PLEKHA7: variants seen among roughly 807,000 people sequenced by gnomAD.
PLEKHA7 encodes the protein pleckstrin homology domain containing A7.
PLEKHA7 carries 104 observed loss-of-function variants against 170.0 expected under a neutral mutation model. The ratio of observed to expected loss-of-function variants is 0.61; its 90% CI spans 0.52 to 0.72. The LOEUF is 0.72. PLEKHA7 is among the 30% of genes least tolerant of loss of function. The pLI is 0.00. For missense variants in PLEKHA7, 1,615 were observed against 1,671.7 expected (o/e 0.97, Z 0.59); for synonymous variants, 648 against 660.8 (o/e 0.98, Z 0.30).
chr11:16,783,902 C>A, intron 24 of PLEKHA7, 69 bp from the exon 25 acceptor site: 17 of 1,305,078 alleles, frequency 1.3e-5, no homozygotes, highest in Non-Finnish European at 1.7e-5. Flanking sequence ...GCTTTCCCCA[C>A]CTCTGTCCCC....
intron 3 of PLEKHA7, 119 bp from the exon 4 acceptor site, chr11:16,871,301 T>C: frequency 1.4e-6 from 1 of 726,284 alleles, no homozygotes; most frequent in East Asian, 3.0e-5. Flanking sequence ...GGGGGAGAAA[T>C]GTGGGCCTTT....
chr11:16,949,493 A>G (rs1861269369), intron 3 of PLEKHA7, among the ~76,000 whole-genome samples: 1 of 152,218 alleles, frequency 6.6e-6, no homozygotes, highest in Non-Finnish European at 1.5e-5. Context: ...TGAAATCTGC[A>G]TTTGTAACAA....
chr11:16,855,328 A>G (rs1442139114), intron 5 of PLEKHA7, among the ~76,000 whole-genome samples: 1 of 152,044 alleles, frequency 6.6e-6, no homozygotes, highest in Non-Finnish European at 1.5e-5. Flanking sequence ...CTTTTTGCCA[A>G]TTTCCAGATA....
At chr11:17,000,869 T>C (rs1864623426) in intron 3 of PLEKHA7, among the ~76,000 whole-genome samples, 1 of 152,148 alleles carries the variant, frequency 6.6e-6, no homozygotes, top group South Asian at 2.1e-4. Context: ...CACCACCCTA[T>C]AGACAAAGGA....
chr11:16,779,597 C>T (rs1848871434), intron 26 of PLEKHA7, among the ~76,000 whole-genome samples: 1 of 152,144 alleles, frequency 6.6e-6, no homozygotes, highest in African/African-American at 2.4e-5. Flanking sequence ...TAGAGCACTT[C>T]CCTATGGCTC....
intron 3 of PLEKHA7, among the ~76,000 whole-genome samples, chr11:16,943,643 G>T (rs1481355262): frequency 2.0e-5 from 3 of 151,972 alleles, no homozygotes; most frequent in Non-Finnish European, 4.4e-5. Flanking sequence ...TGGGAAGGAG[G>T]GATTATTACA....
chr11:17,014,300 G>C lies in PLEKHA7; in HGVS notation c.86+16C>G, dbSNP rs1286534970. On this transcript the variant is annotated intron_variant, in intron 1 of 26. Coordinates refer to ENST00000531066, the MANE Select transcript of PLEKHA7 (RefSeq NM_001329630.2). ...CCCCACCCGCGTCCCCGCGTCCCCG[G>C]GTCCTCGCGCCGCACTTGATGAAGA... 4.9e-6 allele frequency: 7 copies of C among 1,436,232 alleles called. No homozygotes were observed. In the African/African-American group the frequency reaches 6.0e-5, roughly 12 times the overall value. The allele number at this position is 1,436,232 out of a possible 1,614,324, so 89.0% of individuals were successfully genotyped here.
intron 3 of PLEKHA7, among the ~76,000 whole-genome samples, chr11:17,004,682 C>T (rs909742043): frequency 6.6e-6 from 1 of 152,094 alleles, no homozygotes; most frequent in Non-Finnish European, 1.5e-5. Flanking sequence ...CATGAGTCAC[C>T]ATGCCCAGCC....
chr11:16,907,465 A>G (rs1857886748), intron 3 of PLEKHA7, among the ~76,000 whole-genome samples: 1 of 106,576 alleles, frequency 9.4e-6, no homozygotes, highest in East Asian at 2.8e-4. Context: ...CCTACTGGGA[A>G]GTAAGGAGCC....
intron 3 of PLEKHA7, among the ~76,000 whole-genome samples, chr11:16,963,225 C>T (rs1862173929): frequency 6.6e-6 from 1 of 152,184 alleles, no homozygotes; most frequent in Non-Finnish European, 1.5e-5. Context: ...GACCTATAAC[C>T]ATATTTGGTA....
At chr11:16,959,118 G>A (rs1429478240) in intron 3 of PLEKHA7, among the ~76,000 whole-genome samples, 1 of 152,188 alleles carries the variant, frequency 6.6e-6, no homozygotes, top group African/African-American at 2.4e-5. Flanking sequence ...GTGGGTACAT[G>A]TGAAGGTGTG....
At chr11:16,895,433 T>C (rs1856938426) in intron 3 of PLEKHA7, among the ~76,000 whole-genome samples, 1 of 152,218 alleles carries the variant, frequency 6.6e-6, no homozygotes, top group Admixed American at 6.5e-5. Context: ...TGGCAACAGC[T>C]GCACATCACT....
rs1307308857 is a variant in PLEKHA7 at position 16,794,717 on chromosome 11, A to G, written c.2519-3T>C. 7 of 1,613,460 alleles carry G rather than the reference A, an allele frequency of 4.3e-6. No individual in the cohort carries two copies. The highest frequency in any genetic ancestry group is 5.9e-6 in the Non-Finnish European group (7 of 1,179,578). On this transcript the variant is annotated splice_polypyrimidine_tract_variant and splice_region_variant and intron_variant, in intron 18 of 26. Transcript: ENST00000531066. ...AAACAAAGGCACCGTTTTTCTCTCTAAGGGGCATAGAAGGAAACAAAGCAC... is the reference window on the plus strand; with the variant it reads ...AAACAAAGGCACCGTTTTTCTCTCTGAGGGGCATAGAAGGAAACAAAGCAC...
chr11:16,805,797 AAAAAAAAAAAC>A (rs1395196135), intron 13 of PLEKHA7, among the ~76,000 whole-genome samples: 60 of 151,156 alleles, frequency 4.0e-4, no homozygotes, highest in African/African-American at 1.4e-3. Context: ...GTCAAAAAAA[AAAAAAAAAAAC>A]AAAAACAAAA....
At chr11:16,824,331 A>G (rs1019193336) in intron 10 of PLEKHA7, among the ~76,000 whole-genome samples, 11 of 152,230 alleles carry the variant, frequency 7.2e-5, no homozygotes, top group Admixed American at 7.2e-4. Context: ...GTTCGAATCC[A>G]GCCTGGTCAA....
chr11:16,941,039 C>A (rs1860661978), intron 3 of PLEKHA7, among the ~76,000 whole-genome samples: 1 of 152,178 alleles, frequency 6.6e-6, no homozygotes, highest in Non-Finnish European at 1.5e-5. Context: ...AACCCTAGCA[C>A]TTACCTCCAA....
intron 3 of PLEKHA7, among the ~76,000 whole-genome samples, chr11:16,924,748 A>C (rs1859373352): frequency 1.3e-5 from 2 of 152,158 alleles, no homozygotes; most frequent in South Asian, 2.1e-4. Flanking sequence ...AAAGCCAAAA[A>C]AGAAAGGGGG....
intron 13 of PLEKHA7, among the ~76,000 whole-genome samples, chr11:16,805,991 A>C (rs1848957769): frequency 6.6e-6 from 1 of 152,154 alleles, no homozygotes; most frequent in African/African-American, 2.4e-5. Context: ...AGCACATTAG[A>C]GTACAATGTT....
At chr11:17,013,852 T>C in intron 3 of PLEKHA7, 137 bp downstream of exon 3, 19 of 1,049,774 alleles carry the variant, frequency 1.8e-5, no homozygotes, top group Non-Finnish European at 2.3e-5. Flanking sequence ...CACAAAACGT[T>C]GAGTGTGGCC....
Sources: allele counts gnomAD v4.1 joint callset (sites outside exome capture counted in the v4.1 genomes callset), GRCh38; gene constraint gnomAD v4.1.1; transcripts MANE v1.5; gene names NCBI Gene and HGNC (gene_info 2026-07-23, HGNC 2026-07-21).